Variants in PHLDB1 observed in about 807,000 individuals in gnomAD.
PHLDB1 encodes the protein pleckstrin homology like domain family B member 1, also known as pleckstrin homology-like domain family B member 1.
Under a neutral mutation model 139.3 loss-of-function variants are expected in PHLDB1, and 65 were observed. The observed-to-expected ratio is 0.47, with a 90% CI of 0.38 to 0.57. The LOEUF is 0.57. Ranked by LOEUF, PHLDB1 falls within the 20% of genes least tolerant of loss-of-function variation. The pLI is 0.00. For synonymous variants in PHLDB1, 679 were observed against 734.5 expected (o/e 0.92, Z 1.22); for missense variants, 1,624 against 1,839.7 (o/e 0.88, Z 2.14).
chr11:118,638,187 C>CA (rs1945960048), intron 10 of PHLDB1: 1 of 152,268 alleles, frequency 6.6e-6, no homozygotes. Flanking sequence ...GCTGAGTGTA[C>CA]AGTGTGGCTG....
Position 118,648,071 on chromosome 11 carries a change from T to G in PHLDB1, c.3649T>G (p.Ser1217Ala), listed in dbSNP as rs1555131631. The G allele has an allele frequency of 6.2e-7, 1 of 1,613,330 alleles. No individual in the cohort carries two copies. The highest frequency in any genetic ancestry group is 1.7e-5 in the Admixed American group (1 of 59,960). The change falls in exon 18 of 23, where the codon TCC becomes GCC. Residue 1217 changes from serine to alanine, a missense_variant. Transcript: ENST00000600882. ...GGTCAAGATGCGGGAGAAACAATTT[T>G]CCCAGGTGAATGGGCAGTGGGGCAC... ...KEVKMREKQF[S>A]QARPLTRYLP...
chr11:118,655,621 G>A lies in PHLDB1; in HGVS notation c.3891G>A (p.Lys1297=), dbSNP rs1292536290. ...LSYYVDKHET[K]LKGVIYFQAI... is the part of the protein sequence containing the mutation. ...GCTTTGCAGACAAGCATGAGACGAA[G>A]CTGAAGGGAGTCATCTATTTCCAGG... The change falls in exon 21 of 23, where the codon AAG becomes AAA. Residue 1297 remains lysine, a synonymous_variant. Transcript: ENST00000600882. 1 of 1,612,600 alleles carries A rather than the reference G, an allele frequency of 6.2e-7. No individual in the cohort carries two copies. Among genetic ancestry groups the A allele is most frequent in the Non-Finnish European group, 8.5e-7 (1 of 1,178,848 alleles).
At chr11:118,641,663 C>T in intron 12 of PHLDB1, 1 of 1,289,062 alleles carries the variant, frequency 7.8e-7, no homozygotes, top group Non-Finnish European at 1.0e-6. Context: ...TCGCCCATGC[C>T]CCCAGCCCCT....
intron 6 of PHLDB1, chr11:118,630,027 GGT>G (rs1555108401): frequency 1.6e-6 from 2 of 1,250,104 alleles, no homozygotes; most frequent in Non-Finnish European, 2.1e-6. Flanking sequence ...GCTCTGTTCC[GGT>G]TTTTTTTTTT....
intron 6 of PHLDB1, among the ~76,000 whole-genome samples, chr11:118,630,269 T>G (rs1944582240): frequency 6.6e-6 from 1 of 152,044 alleles, no homozygotes. Context: ...ACCAGGAATG[T>G]GATTGTGTCA....
In PHLDB1 at chr11:118,623,242, G is replaced by A. The variant is rs192509570; in HGVS notation, c.356-1692G>A. Among the ~76,000 whole-genome samples, 1,028 of 152,358 alleles carry A rather than the reference G, an allele frequency of 6.7e-3. 14 individuals are homozygous for A. The highest frequency in any genetic ancestry group is 0.023 in the African/African-American group (969 of 41,590). On this transcript the variant is annotated intron_variant, in intron 4 of 22. Transcript: ENST00000600882. Reference sequence around the variant, plus strand: ...ATTGGGTAGACAGGAGGCTGAGGCCGGGGGCCAGGGGTGTGGACAAATTGG... The same window carrying A: ...ATTGGGTAGACAGGAGGCTGAGGCCAGGGGCCAGGGGTGTGGACAAATTGG...
At chr11:118,614,491 T>C in intron 2 of PHLDB1, 68 bp from the exon 3 acceptor site, 3 of 1,572,744 alleles carry the variant, frequency 1.9e-6, no homozygotes, top group Non-Finnish European at 2.6e-6. Context: ...AGAGTGCTGG[T>C]GTGACTGGTT....
At chr11:118,631,615 G>A (rs1944819048) in intron 7 of PHLDB1, 136 bp downstream of exon 7, 2 of 792,920 alleles carry the variant, frequency 2.5e-6, no homozygotes, top group South Asian at 2.4e-5. Context: ...CAGAGGTGCA[G>A]AAATGAGACA....
Position 118,627,500 on chromosome 11 carries a change from C to G in PHLDB1, c.677C>G (p.Ala226Gly). 1 of 1,614,234 alleles carries G rather than the reference C, an allele frequency of 6.2e-7. No homozygotes were observed. Among genetic ancestry groups the G allele is most frequent in the East Asian group, 2.2e-5 (1 of 44,890 alleles). The change falls in exon 6 of 23, where the codon GCT becomes GGT. Residue 226 changes from alanine to glycine, a missense_variant. Ala to Gly is a moderately conservative substitution (Grantham distance 60, BLOSUM62 0). Coordinates refer to ENST00000600882, the MANE Select transcript of PHLDB1 (RefSeq NM_001144758.3). Reference protein sequence around the residue: ...PAATSPLSPMANGGRYLLSPP... With the variant: ...PAATSPLSPMGNGGRYLLSPP... ...GCAACCTCTCCACTGTCACCGATGG[C>G]TAATGGTGGGCGCTACCTGCTGTCT... is the stretch of plus-strand genomic sequence containing the variant.
intron 18 of PHLDB1, among the ~76,000 whole-genome samples, chr11:118,648,300 T>C (rs1947854939): frequency 6.6e-6 from 1 of 150,626 alleles, no homozygotes; most frequent in Admixed American, 6.6e-5. Flanking sequence ...TGTGTGTGTG[T>C]GTGTGTGTGT....
At chr11:118,643,743 G>A in intron 13 of PHLDB1, 57 bp from the exon 14 acceptor site, 1 of 1,613,100 alleles carries the variant, frequency 6.2e-7, no homozygotes, top group Non-Finnish European at 8.5e-7. Context: ...TAGGTGACAT[G>A]GGGGAGGTGG....
At chr11:118,644,907 CT>C (rs1947222601) in intron 15 of PHLDB1, 1 of 270,774 alleles carries the variant, frequency 3.7e-6, no homozygotes, top group Admixed American at 5.1e-5. Flanking sequence ...GCGTTTGTTG[CT>C]TTTGCTTCTG....
rs372973732 is a variant in PHLDB1 at position 118,625,068 on chromosome 11, C to T, written c.481+9C>T. The stretch of plus-strand genomic sequence containing the variant: ...CTACAGCCCTGTTCCTGGTAGGTAC[C>T]GACGGGGGCAGGGTGCTGGGTTGAT... On this transcript the variant is annotated intron_variant, in intron 5 of 22. Coordinates refer to ENST00000600882, the MANE Select transcript of PHLDB1 (RefSeq NM_001144758.3). 7 of 1,592,396 alleles carry T rather than the reference C, an allele frequency of 4.4e-6. No homozygotes were observed. Among genetic ancestry groups the T allele is most frequent in the Admixed American group, 1.8e-5 (1 of 56,706 alleles).
rs1455586713 is a variant in PHLDB1 at position 118,647,953 on chromosome 11, G to T, written c.3531G>T (p.Arg1177=). The part of the protein sequence containing the change: ...ESREREMELR[R]QALEEERRRR... ...AGGAGCGGGAGATGGAGCTGCGGCG[G>T]CAGGCCCTGGAGGAGGAGCGGCGGA... The change falls in exon 18 of 23, where the codon CGG becomes CGT. Residue 1177 remains arginine (R), a synonymous_variant. Transcript: ENST00000600882. 6.3e-7 allele frequency: 1 copy of T among 1,581,100 alleles called. No individual in the cohort carries two copies. Among genetic ancestry groups the T allele is most frequent in the Non-Finnish European group, 8.6e-7 (1 of 1,164,088 alleles).
In PHLDB1 at chr11:118,610,496, C is replaced by A. The variant is rs919696041; in HGVS notation, c.-22+2797C>A. On this transcript the variant is annotated intron_variant, in intron 1 of 22. Coordinates refer to ENST00000600882, the MANE Select transcript of PHLDB1 (RefSeq NM_001144758.3). The surrounding 1 kb of genome is among the most constrained non-coding windows in gnomAD (Gnocchi z 8.7). ...TGGCCACAGCCATGCACCGCTTGGG[C>A]CGAGGCCGAGGCCGACCCCCAGGGA... The A allele has an allele frequency of 3.1e-6, 3 of 978,578 alleles. No homozygotes were observed. The highest frequency in any genetic ancestry group is 3.6e-6 in the Non-Finnish European group (3 of 823,658). 60.6% of individuals were successfully genotyped at this position (978,578 alleles called of 1,614,324 possible). A position where few individuals can be genotyped will look rare whatever the true frequency, so the allele number is the denominator to read the frequency against.
At chr11:118,622,547 G>A (rs1555096179) in intron 4 of PHLDB1, among the ~76,000 whole-genome samples, 1 of 152,142 alleles carries the variant, frequency 6.6e-6, no homozygotes, top group African/African-American at 2.4e-5. Flanking sequence ...AGCTATAGGG[G>A]CCCAGGCAGA....
chr11:118,654,064 C>T lies in PHLDB1; in HGVS notation c.3875-1541C>T, dbSNP rs2137092993. The T allele has an allele frequency of 1.3e-5, 2 of 152,340 alleles. 1 individual carries two copies. Among genetic ancestry groups the T allele is most frequent in the Middle Eastern group, 6.8e-3 (2 of 294 alleles). 9.4% of individuals were successfully genotyped at this position (152,340 alleles called of 1,614,324 possible). Reference sequence around the variant, plus strand: ...GCAGCAGTCCGTAAGTTGCCTTTACCAAGCTGCAGAGGTCGGGGAGAGGAG... The same window carrying T: ...GCAGCAGTCCGTAAGTTGCCTTTACTAAGCTGCAGAGGTCGGGGAGAGGAG... On this transcript the variant is annotated intron_variant, in intron 20 of 22. Transcript: ENST00000600882.
intron 9 of PHLDB1, chr11:118,634,938 G>A (rs1555113979): frequency 2.2e-6 from 1 of 455,064 alleles, no homozygotes; most frequent in Non-Finnish European, 4.4e-6. Context: ...GGCGGAGCTG[G>A]CCGCGGGACG....
At chr11:118,627,024 CA>C (rs1944002576) in intron 5 of PHLDB1, 2 of 465,464 alleles carry the variant, frequency 4.3e-6, no homozygotes, top group African/African-American at 4.0e-5. Flanking sequence ...GAATTGACAA[CA>C]ATAGTCTTAG....
Sources: gnomAD v4.1 joint callset for allele counts (sites outside exome capture counted in the v4.1 genomes callset) on GRCh38, gnomAD v4.1.1 for gene constraint, Gnocchi (gnomAD v3.1) non-coding constraint, MANE v1.5 for transcripts, NCBI Gene and HGNC (gene_info 2026-07-23, HGNC 2026-07-21) for gene names.